RAVER1: variants seen among roughly 807,000 people sequenced by gnomAD.
RAVER1 encodes the protein ribonucleoprotein PTB-binding 1.
Under a neutral mutation model 68.4 loss-of-function variants are expected in RAVER1, and 36 were observed. That is an observed-to-expected ratio of 0.53 (90% CI 0.40 to 0.70). RAVER1 has a LOEUF of 0.70. Ranked by LOEUF, RAVER1 falls within the 30% of genes least tolerant of loss-of-function variation. The pLI is 0.00. For missense variants in RAVER1, 933 were observed against 1,019.8 expected (o/e 0.91, Z 1.16); for synonymous variants, 469 against 472.7 (o/e 0.99, Z 0.10).
At position 10,323,319 on chromosome 19, in the gene RAVER1, G is replaced by C; in HGVS notation, c.949-45C>G. The C allele has an allele frequency of 6.2e-7, 1 of 1,611,636 alleles. No individual in the cohort carries two copies. Among genetic ancestry groups the C allele is most frequent in the Non-Finnish European group, 8.5e-7 (1 of 1,178,996 alleles). The stretch of plus-strand genomic sequence containing the variant: ...CAGCTCAGAGTGCCGCTGGGGCCCT[G>C]ACATCCCCATGGGGCTCCCATCCCC... On this transcript the variant is annotated intron_variant, in intron 4 of 12. Coordinates refer to ENST00000617231, the MANE Select transcript of RAVER1 (RefSeq NM_133452.3). The surrounding 1 kb of genome is among the most constrained non-coding windows in gnomAD (Gnocchi z 6.2).
rs1599300986 is a variant in RAVER1, at chr19:10,322,857, T to G, written c.1079-118A>C. On this transcript the variant is annotated intron_variant, in intron 5 of 12. Transcript: ENST00000617231. The surrounding 1 kb of genome is among the most constrained non-coding windows in gnomAD (Gnocchi z 4.3). ...AAACTGACACTCTGGGGCCGGGGGG[T>G]GGGCAGTGGACTTGCCCAAAGGAAG... 1.1e-5 allele frequency: 6 copies of G among 553,746 alleles called. No individual in the cohort carries two copies. The highest frequency in any genetic ancestry group is 3.0e-5 in the South Asian group (1 of 33,818). 34.3% of individuals were successfully genotyped at this position (553,746 alleles called of 1,614,324 possible).
At chr19:10,321,355 G>T (rs1661827391) in intron 7 of RAVER1, 96 bp from the exon 8 acceptor site, 2 of 801,782 alleles carry the variant, frequency 2.5e-6, no homozygotes, top group South Asian at 5.7e-5. Context: ...CAGGGGTCAA[G>T]AGACAAATCC....
At chr19:10,321,345 C>T (rs1407403612) in intron 7 of RAVER1, 86 bp from the exon 8 acceptor site, 4 of 827,714 alleles carry the variant, frequency 4.8e-6, no homozygotes, top group Non-Finnish European at 6.6e-6. Context: ...GACCAGGGCC[C>T]AGGGGTCAAG....
rs2040387263 is a variant in RAVER1 at position 10,316,313 on chromosome 19, C to A, written c.*1141G>T. ...ATAGTCCCCTTGGAGTGGATGTGGA[C>A]CCCCAGAGTCAAGGGAGGGAAGCTG... is the stretch of plus-strand genomic sequence containing the variant. On this transcript the variant is annotated 3_prime_UTR_variant, in exon 13 of 13. Coordinates refer to ENST00000617231, the MANE Select transcript of RAVER1 (RefSeq NM_133452.3). The A allele has an allele frequency of 8.5e-7, 1 of 1,170,810 alleles. No individual in the cohort carries two copies. The highest frequency in any genetic ancestry group is 1.1e-6 in the Non-Finnish European group (1 of 946,318). The allele number at this position is 1,170,810 out of a possible 1,614,324, so 72.5% of individuals were successfully genotyped here.
intron 1 of RAVER1, among the ~76,000 whole-genome samples, chr19:10,331,327 A>G (rs74372795): frequency 0.032 from 4,018 of 125,708 alleles, 74 homozygotes; most frequent in East Asian, 0.064. Context: ...TCCGCAGTCC[A>G]GCCTGGGCGA....
At position 10,333,185 on chromosome 19, in the gene RAVER1, C is replaced by T. The variant is rs1430391882; in HGVS notation, c.219+104G>A. ...CGTGGATCCGGTGCTTGGGCGCCCCCGCCAACGACCCCCGCGCACCTCAGC... is the reference window on the plus strand; with the variant it reads ...CGTGGATCCGGTGCTTGGGCGCCCCTGCCAACGACCCCCGCGCACCTCAGC... On this transcript the variant is annotated intron_variant, in intron 1 of 12. Coordinates refer to ENST00000617231, the MANE Select transcript of RAVER1 (RefSeq NM_133452.3). This position sits in a 1 kb window ranked among gnomAD's most constrained non-coding sequence, Gnocchi z 4.2. 1 of 1,207,954 alleles carries T rather than the reference C, an allele frequency of 8.3e-7. No individual in the cohort carries two copies. Among genetic ancestry groups the T allele is most frequent in the Non-Finnish European group, 1.1e-6 (1 of 877,364 alleles). The allele number at this position is 1,207,954 out of a possible 1,614,324, so 74.8% of individuals were successfully genotyped here. A position where few individuals can be genotyped will look rare whatever the true frequency, so the allele number is the denominator to read the frequency against.
In RAVER1 at chr19:10,328,039, G is replaced by A. The variant is rs1049495618; in HGVS notation, c.756+603C>T. Among the ~76,000 whole-genome samples the A allele has an allele frequency of 8.5e-5, 13 of 152,184 alleles. No individual in the cohort carries two copies. Among genetic ancestry groups the A allele is most frequent in the Middle Eastern group, 3.2e-3 (1 of 316 alleles). ...CAGTGACTGGCCCGAGCTCGAGGGCGGGGCTGGGATCTGGCAAAGCCTCAG... is the reference window on the plus strand; with the variant it reads ...CAGTGACTGGCCCGAGCTCGAGGGCAGGGCTGGGATCTGGCAAAGCCTCAG... On this transcript the variant is annotated intron_variant, in intron 3 of 12. Transcript: ENST00000617231. This position sits in a 1 kb window ranked among gnomAD's most constrained non-coding sequence, Gnocchi z 4.4.
chr19:10,316,233 A>C lies in RAVER1; in HGVS notation c.*1221T>G. The C allele has an allele frequency of 7.3e-7, 1 of 1,368,178 alleles. No individual in the cohort carries two copies. 84.8% of individuals were successfully genotyped at this position (1,368,178 alleles called of 1,614,324 possible). On this transcript the variant is annotated 3_prime_UTR_variant, in exon 13 of 13. Coordinates refer to ENST00000617231, the MANE Select transcript of RAVER1 (RefSeq NM_133452.3). Reference sequence around the variant, plus strand: ...CTGATTTCTTTAAAACCATTTACTTACAAACTTTAATTCAGCAAAGGTCCG... The same window carrying C: ...CTGATTTCTTTAAAACCATTTACTTCCAAACTTTAATTCAGCAAAGGTCCG...
chr19:10,320,741 T>A lies in RAVER1; in HGVS notation c.1684A>T (p.Lys562Ter). The change falls in exon 9 of 13, where the codon AAG (lysine) becomes TAG (stop). Residue 562 changes from lysine (K) to a stop codon, truncating the protein, a stop_gained. Coordinates refer to ENST00000617231, the MANE Select transcript of RAVER1 (RefSeq NM_133452.3). LOFTEE classifies it high-confidence loss of function. ...GSSSSKAFQL[K>*]SRLLSPLSSA... ...CTGAGGGGGCTGAGCAGGCGGGACT[T>A]GAGCTGGAAGGCTTTGCTGCTGCTG... The A allele has an allele frequency of 6.6e-7, 1 of 1,509,784 alleles. No individual in the cohort carries two copies. Among genetic ancestry groups the A allele is most frequent in the Non-Finnish European group, 8.8e-7 (1 of 1,139,332 alleles). The allele number at this position is 1,509,784 out of a possible 1,614,324, so 93.5% of individuals were successfully genotyped here.
At position 10,323,571 on chromosome 19, in the gene RAVER1, C is replaced by T. The variant is rs777688149; in HGVS notation, c.757-5G>A. The T allele has an allele frequency of 7.6e-6, 12 of 1,573,770 alleles. No individual in the cohort carries two copies. The highest frequency in any genetic ancestry group is 1.1e-5 in the South Asian group (1 of 88,968). ...CCCATCCTGGCCGCACGCCAGCTGC[C>T]GGAGGAAGGCAGGCAGTCATGAGCA... On this transcript the variant is annotated splice_polypyrimidine_tract_variant and splice_region_variant and intron_variant, in intron 3 of 12. Transcript: ENST00000617231. The surrounding 1 kb of genome is among the most constrained non-coding windows in gnomAD (Gnocchi z 6.2).
chr19:10,319,290 A>G (rs753786517), intron 9 of RAVER1, 50 bp from the exon 10 acceptor site: 2 of 1,566,190 alleles, frequency 1.3e-6, no homozygotes, highest in Non-Finnish European at 1.8e-6. Flanking sequence ...TCCCAGCCTC[A>G]CCCCTGGCTG....
rs573830148 is a variant in RAVER1, at chr19:10,323,766, A to G, written c.757-200T>C. On this transcript the variant is annotated intron_variant, in intron 3 of 12. Transcript: ENST00000617231. The surrounding 1 kb of genome is among the most constrained non-coding windows in gnomAD (Gnocchi z 6.2). Reference sequence around the variant, plus strand: ...GGAGGCTGCATCATACCCATTTCTCAGAGAAGGCAACTGAGGCACGGAGAG... The same window carrying G: ...GGAGGCTGCATCATACCCATTTCTCGGAGAAGGCAACTGAGGCACGGAGAG... Among the ~76,000 whole-genome samples the G allele has an allele frequency of 6.6e-6, 1 of 152,202 alleles. No homozygotes were observed. The highest frequency in any genetic ancestry group is 1.9e-4 in the East Asian group (1 of 5,190).
Position 10,333,332 on chromosome 19 carries a change from C to A in RAVER1, c.176G>T (p.Arg59Leu). 1.2e-6 allele frequency: 2 copies of A among 1,611,498 alleles called. No homozygotes were observed. Among genetic ancestry groups the A allele is most frequent in the Non-Finnish European group, 1.7e-6 (2 of 1,177,862 alleles). The stretch of plus-strand genomic sequence containing the variant: ...CGGGAGGCCCCGGATCAGTATCTTG[C>A]GGCGGTTACGGAACTGGCGCTCGGT... ...EHTERQFRNR[R>L]KILIRGLPGD... The change falls in exon 1 of 13, where the codon CGC becomes CTC. Residue 59 changes from arginine to leucine, a missense_variant. Arg to Leu is a moderately radical substitution (Grantham distance 102). Coordinates refer to ENST00000617231, the MANE Select transcript of RAVER1 (RefSeq NM_133452.3). The surrounding 1 kb of genome is among the most constrained non-coding windows in gnomAD (Gnocchi z 4.2).
Position 10,321,125 on chromosome 19 carries a change from G to C in RAVER1, c.1396C>G (p.Pro466Ala), listed in dbSNP as rs2145069351. The stretch of plus-strand genomic sequence containing the variant: ...GAGCCTCGGAGCCCCACAGGGGCGG[G>C]GGGAGGAGTGAGCTGGGCCGCTGGG... ...GPPAAQLTPP[P>A]APVGLRGSGL... The change falls in exon 8 of 13, where the codon CCC (proline) becomes GCC (alanine). Residue 466 changes from proline to alanine, a missense_variant. Physicochemically the swap from Pro to Ala is conservative, Grantham distance 27. This residue lies in a region of RAVER1 where 699 missense variants were observed against 731.1 expected (regional missense o/e 0.96). Transcript: ENST00000617231. The C allele has an allele frequency of 7.6e-7, 1 of 1,308,830 alleles. No individual in the cohort carries two copies. The allele number at this position is 1,308,830 out of a possible 1,614,324, so 81.1% of individuals were successfully genotyped here.
chr19:10,331,101 G>A (rs1309157587), intron 1 of RAVER1, among the ~76,000 whole-genome samples: 1 of 151,364 alleles, frequency 6.6e-6, no homozygotes, highest in East Asian at 2.0e-4. Flanking sequence ...TGTAATCCCA[G>A]CACTTTGGGA....
At position 10,323,265 on chromosome 19, in the gene RAVER1, G is replaced by A. The variant is rs952158789; in HGVS notation, c.958C>T (p.Arg320Trp). The change falls in exon 5 of 13, where the codon CGG becomes TGG. Residue 320 changes from arginine to tryptophan, a missense_variant. This residue lies in a region of RAVER1 where 699 missense variants were observed against 731.1 expected (regional missense o/e 0.96). Coordinates refer to ENST00000617231, the MANE Select transcript of RAVER1 (RefSeq NM_133452.3). The surrounding 1 kb of genome is among the most constrained non-coding windows in gnomAD (Gnocchi z 6.2). ...LIAAQATALN[R>W]GKGLLPEPNI... ...GGCTCGGGGAGGAGTCCCTTCCCCCGATTGAGGGCCTGCAGGAAGGAACAG... is the reference window on the plus strand; with the variant it reads ...GGCTCGGGGAGGAGTCCCTTCCCCCAATTGAGGGCCTGCAGGAAGGAACAG... 6.2e-6 allele frequency: 10 copies of A among 1,613,282 alleles called. No individual in the cohort carries two copies. The highest frequency in any genetic ancestry group is 4.4e-5 in the South Asian group (4 of 91,072).
rs1458470216 is a variant in RAVER1 at position 10,323,380 on chromosome 19, C to T, written c.943G>A (p.Ala315Thr). The change falls in exon 4 of 13, where the codon GCC becomes ACC. Residue 315 changes from alanine to threonine, a missense_variant. Coordinates refer to ENST00000617231, the MANE Select transcript of RAVER1 (RefSeq NM_133452.3). This position sits in a 1 kb window ranked among gnomAD's most constrained non-coding sequence, Gnocchi z 6.2. ...CTCTGCCCGCACAGGCTCACCGTGGCCTGGGCAGCGATGAGAGCGGCCAGC... is the reference window on the plus strand; with the variant it reads ...CTCTGCCCGCACAGGCTCACCGTGGTCTGGGCAGCGATGAGAGCGGCCAGC... ...SMLAALIAAQ[A>T]TALNRGKGLL... 6.2e-7 allele frequency: 1 copy of T among 1,604,352 alleles called. No individual in the cohort carries two copies. The highest frequency in any genetic ancestry group is 2.2e-5 in the East Asian group (1 of 44,524).
chr19:10,326,743 T>G (rs2040477301), intron 3 of RAVER1, among the ~76,000 whole-genome samples: 1 of 148,448 alleles, frequency 6.7e-6, no homozygotes, highest in African/African-American at 2.5e-5. Context: ...CGTGAGCCAC[T>G]GCGCCTGGCC....
chr19:10,318,958 T>A (rs1178499014), intron 10 of RAVER1, among the ~76,000 whole-genome samples: 1 of 152,018 alleles, frequency 6.6e-6, no homozygotes, highest in African/African-American at 2.4e-5. Flanking sequence ...AGTGGGAGGA[T>A]TGCTTGAGCC....
Sources: gnomAD v4.1 joint callset for allele counts (sites outside exome capture counted in the v4.1 genomes callset) on GRCh38, gnomAD v4.1.1 for gene constraint, gnomAD v4.1.1 regional missense constraint, Gnocchi (gnomAD v3.1) non-coding constraint, MANE v1.5 for transcripts, NCBI Gene and HGNC (gene_info 2026-07-23, HGNC 2026-07-21) for gene names.